The following CELF4 variants were observed in gnomAD, a reference collection of about 807,000 sequenced individuals.
CELF4 encodes the protein CUGBP Elav-like family member 4.
Under a neutral mutation model 59.9 loss-of-function variants are expected in CELF4, and 18 were observed. The observed-to-expected ratio is 0.30, with a 90% CI of 0.21 to 0.45. CELF4 has a LOEUF of 0.45. Among genes scored for constraint, CELF4 ranks in the 20% least tolerant of loss-of-function variants. The pLI is 1.00. For synonymous variants in CELF4, 261 were observed against 267.1 expected (o/e 0.98, Z 0.22); for missense variants, 456 against 689.0 (o/e 0.66, Z 3.79).
intron 3 of CELF4, among the ~76,000 whole-genome samples, chr18:37,291,962 T>G (rs2095362556): frequency 6.6e-6 from 1 of 152,006 alleles, no homozygotes; most frequent in African/African-American, 2.4e-5. Context: ...GTGATGGTAT[T>G]AAGAGGAGGA....
chr18:37,319,368 G>A (rs1310166361), intron 3 of CELF4, among the ~76,000 whole-genome samples: 2 of 152,168 alleles, frequency 1.3e-5, no homozygotes, highest in Non-Finnish European at 2.9e-5. Context: ...CTTGACTACC[G>A]GGGTCCTTAG....
At position 37,522,820 on chromosome 18, in the gene CELF4, C is replaced by T. The variant is rs970499984; in HGVS notation, c.287-37213G>A. Among the ~76,000 whole-genome samples, 7 of 152,158 alleles carry T rather than the reference C, an allele frequency of 4.6e-5. No homozygotes were observed. The South Asian group carries it at 1.0e-3, about 23-fold the overall frequency. On this transcript the variant is annotated intron_variant, in intron 1 of 12. Transcript: ENST00000420428. ...GGCAGCACCAAATCTCCCAGGCTTCCGCATCTGTTTGGCCTGCCTCAAGAG... is the reference window on the plus strand; with the variant it reads ...GGCAGCACCAAATCTCCCAGGCTTCTGCATCTGTTTGGCCTGCCTCAAGAG...
At chr18:37,413,777 C>G (rs115635821) in intron 2 of CELF4, among the ~76,000 whole-genome samples, 2,686 of 152,310 alleles carry the variant, frequency 0.018, 76 homozygotes, top group African/African-American at 0.06. Context: ...CTCCAAGGAG[C>G]CTATCATCCT....
chr18:37,308,880 G>A (rs979230535), intron 3 of CELF4, among the ~76,000 whole-genome samples: 1 of 152,164 alleles, frequency 6.6e-6, no homozygotes, highest in Non-Finnish European at 1.5e-5. Context: ...GGGCATACAT[G>A]GAGTTTCTCT....
chr18:37,396,964 G>A (rs558102905), intron 2 of CELF4, among the ~76,000 whole-genome samples: 1 of 152,160 alleles, frequency 6.6e-6, no homozygotes, highest in Non-Finnish European at 1.5e-5. Flanking sequence ...GTCTCTGAGG[G>A]TGCAGGCTTG....
In CELF4 at chr18:37,522,728, G is replaced by A. The variant is rs143164353; in HGVS notation, c.287-37121C>T. The stretch of plus-strand genomic sequence containing the variant: ...ACCTCCTAACAGGGCAGCAGAGCCC[G>A]CTGGAGGCCCTGGGCCACAGCTCTT... On this transcript the variant is annotated intron_variant, in intron 1 of 12. Coordinates refer to ENST00000420428, the MANE Select transcript of CELF4 (RefSeq NM_020180.4). Among the ~76,000 whole-genome samples the A allele has an allele frequency of 2.9e-3, 443 of 152,258 alleles. 1 individual carries two copies. Among genetic ancestry groups the A allele is most frequent in the African/African-American group, 0.01 (428 of 41,548 alleles).
At chr18:37,468,682 G>C (rs1421220741) in intron 2 of CELF4, among the ~76,000 whole-genome samples, 2 of 152,118 alleles carry the variant, frequency 1.3e-5, no homozygotes, top group African/African-American at 4.8e-5. Context: ...TTGACTTACA[G>C]TTCTGCATGG....
At chr18:37,272,629 C>T (rs1462520590) in intron 7 of CELF4, among the ~76,000 whole-genome samples, 1 of 150,196 alleles carries the variant, frequency 6.7e-6, no homozygotes, top group Non-Finnish European at 1.5e-5. Flanking sequence ...TGTGCTTGGG[C>T]CAGGGGCTGA....
At chr18:37,451,926 A>G (rs568153569) in intron 2 of CELF4, among the ~76,000 whole-genome samples, 1 of 152,236 alleles carries the variant, frequency 6.6e-6, no homozygotes, top group African/African-American at 2.4e-5. Context: ...CCTAGAGATG[A>G]GCCCAGGGCG....
At chr18:37,295,262 C>A (rs949374742) in intron 3 of CELF4, among the ~76,000 whole-genome samples, 3 of 152,188 alleles carry the variant, frequency 2.0e-5, no homozygotes, top group African/African-American at 7.2e-5. Context: ...TTGTTTTCCT[C>A]AAAGATGTCA....
chr18:37,384,956 G>A (rs1354830524), intron 2 of CELF4, among the ~76,000 whole-genome samples: 3 of 152,150 alleles, frequency 2.0e-5, no homozygotes, highest in Non-Finnish European at 4.4e-5. Flanking sequence ...TCTCTGATTT[G>A]CTGGGTCAGT....
At chr18:37,414,859 A>T (rs1197581496) in intron 2 of CELF4, among the ~76,000 whole-genome samples, 1 of 150,982 alleles carries the variant, frequency 6.6e-6, no homozygotes, top group Non-Finnish European at 1.5e-5. Context: ...TCATCCATCT[A>T]CCCATCCACT....
intron 12 of CELF4, among the ~76,000 whole-genome samples, chr18:37,249,828 C>G (rs2064325427): frequency 1.3e-5 from 2 of 152,110 alleles, no homozygotes; most frequent in Admixed American, 1.3e-4. Flanking sequence ...GTCCTAAAAT[C>G]AGCTGGTCTC....
chr18:37,337,583 GA>G (rs1450996732), intron 2 of CELF4, among the ~76,000 whole-genome samples: 1 of 152,172 alleles, frequency 6.6e-6, no homozygotes, highest in East Asian at 1.9e-4. Flanking sequence ...GCCTGCGGAG[GA>G]AATGCCCCTG....
At chr18:37,350,115 A>C (rs955014492) in intron 2 of CELF4, among the ~76,000 whole-genome samples, 2 of 152,086 alleles carry the variant, frequency 1.3e-5, no homozygotes, top group African/African-American at 4.8e-5. Flanking sequence ...AATCCATAGA[A>C]TTTTATGTCC....
At chr18:37,366,195 G>A (rs472056) in intron 2 of CELF4, among the ~76,000 whole-genome samples, 4,358 of 152,214 alleles carry the variant, frequency 0.029, 207 homozygotes, top group African/African-American at 0.099. Flanking sequence ...ACCAGATCTC[G>A]AGGCACTCAA....
intron 2 of CELF4, among the ~76,000 whole-genome samples, chr18:37,396,637 G>A (rs1430637404): frequency 2.0e-5 from 3 of 152,156 alleles, no homozygotes; most frequent in African/African-American, 2.4e-5. Flanking sequence ...GCAGCTGCAC[G>A]GTCTTGCCAG....
chr18:37,331,548 C>T (rs932432432), intron 2 of CELF4, among the ~76,000 whole-genome samples: 4 of 152,046 alleles, frequency 2.6e-5, no homozygotes, highest in African/African-American at 7.2e-5. Context: ...AGGAACCAGG[C>T]GTGTGGGTTG....
At chr18:37,382,892 C>T (rs1343662318) in intron 2 of CELF4, among the ~76,000 whole-genome samples, 1 of 152,154 alleles carries the variant, frequency 6.6e-6, no homozygotes, top group African/African-American at 2.4e-5. Flanking sequence ...CTGACCCTGA[C>T]CCTGGATAGA....
Sources: gnomAD v4.1 joint callset for allele counts (sites outside exome capture counted in the v4.1 genomes callset) on GRCh38, gnomAD v4.1.1 for gene constraint, MANE v1.5 for transcripts, NCBI Gene and HGNC (gene_info 2026-07-23, HGNC 2026-07-21) for gene names.